The following ZC3H12B variants were observed in gnomAD, a reference collection of about 807,000 sequenced individuals.
ZC3H12B encodes the protein zinc finger CCCH-type containing 12B.
A neutral mutation model predicts 43.9 loss-of-function variants in ZC3H12B; 7 were observed. The observed-to-expected ratio is 0.16, with a 90% CI of 0.09 to 0.30. The LOEUF (loss-of-function observed/expected upper bound fraction) is 0.30. ZC3H12B is among the 10% of genes least tolerant of loss of function. The pLI, the probability that ZC3H12B is intolerant of heterozygous loss-of-function variation, is 1.00. For synonymous variants in ZC3H12B, 222 were observed against 241.7 expected, an observed-to-expected ratio of 0.92 and a Z score of 0.76; for missense variants, 475 against 670.2, an observed-to-expected ratio of 0.71 and a Z score of 3.22.
chrX:65,300,670 A>C, the ZC3H12B span, among the ~76,000 whole-genome samples: 3 of 111,037 alleles, frequency 2.7e-5, no homozygotes, highest in African/African-American at 9.8e-5. Context: ...AGATAATCCT[A>C]GGGCAAGCTT....
At chrX:65,170,069 T>C in the ZC3H12B span, among the ~76,000 whole-genome samples, 1 of 112,064 alleles carries the variant, frequency 8.9e-6, no homozygotes, top group African/African-American at 3.2e-5. Context: ...AATTTGATCC[T>C]GTCATTATGA....
chrX:65,382,601 A>G (rs905999421), intron 2 of ZC3H12B, among the ~76,000 whole-genome samples: 2 of 111,518 alleles, frequency 1.8e-5, no homozygotes, highest in Admixed American at 1.9e-4. Context: ...AGTTCTGGCT[A>G]GGGCAATCAG....
chrX:65,385,660 G>T (rs965581302), intron 2 of ZC3H12B, among the ~76,000 whole-genome samples: 5 of 111,003 alleles, frequency 4.5e-5, no homozygotes, highest in Admixed American at 9.6e-5. Context: ...TGATTGCTCT[G>T]GCCAGAAATT....
chrX:65,197,286 C>T, the ZC3H12B span, among the ~76,000 whole-genome samples: 1 of 112,109 alleles, frequency 8.9e-6, no homozygotes, highest in Non-Finnish European at 1.9e-5. Flanking sequence ...AAGCAGCCGC[C>T]GCCCAGGGAC....
chrX:65,305,006 A>T, the ZC3H12B span, among the ~76,000 whole-genome samples: 20 of 112,114 alleles, frequency 1.8e-4, 1 homozygote, highest in South Asian at 1.8e-3. Context: ...TTGAACAGGT[A>T]TTTTATCAAT....
At chrX:65,219,897 A>G in the ZC3H12B span, among the ~76,000 whole-genome samples, 6 of 110,063 alleles carry the variant, frequency 5.5e-5, no homozygotes, top group African/African-American at 2.0e-4. Flanking sequence ...ACATAGGCAC[A>G]TAGTCATCAG....
At chrX:65,047,721 A>G in the ZC3H12B span, among the ~76,000 whole-genome samples, 5 of 110,574 alleles carry the variant, frequency 4.5e-5, no homozygotes, top group Non-Finnish European at 9.5e-5. Context: ...AATGATATAT[A>G]TTTTTCCATC....
At chrX:65,427,197 T>C (rs953747024) in intron 3 of ZC3H12B, among the ~76,000 whole-genome samples, 7 of 111,981 alleles carry the variant, frequency 6.3e-5, no homozygotes, top group Non-Finnish European at 1.1e-4. Context: ...AATTGAACTC[T>C]TTACCATTAT....
chrX:65,386,390 C>T (rs2066526134), intron 2 of ZC3H12B, among the ~76,000 whole-genome samples: 1 of 111,223 alleles, frequency 9.0e-6, no homozygotes, highest in Non-Finnish European at 1.9e-5. Context: ...TGTATGTGTC[C>T]AGTAATTTAT....
At chrX:65,161,479 G>A in the ZC3H12B span, among the ~76,000 whole-genome samples, 6 of 111,865 alleles carry the variant, frequency 5.4e-5, no homozygotes, top group South Asian at 3.7e-4. Flanking sequence ...ATGATAGTTA[G>A]CTCTTCTTGT....
the ZC3H12B span, among the ~76,000 whole-genome samples, chrX:65,127,052 C>T: frequency 9.1e-6 from 1 of 110,456 alleles, no homozygotes; most frequent in African/African-American, 3.3e-5. Context: ...GTGGTATGAT[C>T]TTTTGGGGAT....
At chrX:65,373,773 G>A (rs1399164554) in intron 2 of ZC3H12B, among the ~76,000 whole-genome samples, 3 of 94,151 alleles carry the variant, frequency 3.2e-5, no homozygotes, top group Non-Finnish European at 4.1e-5. Flanking sequence ...GATAGCATTA[G>A]GAGATATACC....
At chrX:65,207,436 G>A in the ZC3H12B span, among the ~76,000 whole-genome samples, 3 of 110,664 alleles carry the variant, frequency 2.7e-5, no homozygotes, top group Admixed American at 9.7e-5. Flanking sequence ...TAAGCTATGA[G>A]GATGCAAAAG....
chrX:65,130,280 A>T, the ZC3H12B span, among the ~76,000 whole-genome samples: 1 of 111,116 alleles, frequency 9.0e-6, no homozygotes, highest in Non-Finnish European at 1.9e-5. Context: ...TGATTTGACT[A>T]TTAAAAGTGG....
the ZC3H12B span, among the ~76,000 whole-genome samples, chrX:65,055,481 G>T: frequency 9.0e-6 from 1 of 111,537 alleles, no homozygotes; most frequent in Non-Finnish European, 1.9e-5. Flanking sequence ...TGCTGGATTC[G>T]GTTTGCCAGT....
the ZC3H12B span, among the ~76,000 whole-genome samples, chrX:65,358,545 A>G: frequency 1.8e-5 from 2 of 111,994 alleles, no homozygotes; most frequent in Non-Finnish European, 3.8e-5. Context: ...AAAACCGCAC[A>G]ACTACATGGA....
the ZC3H12B span, among the ~76,000 whole-genome samples, chrX:65,204,869 T>C: frequency 2.7e-5 from 3 of 112,293 alleles, no homozygotes; most frequent in Non-Finnish European, 3.8e-5. Context: ...TAAGCTGTTA[T>C]CTGCTGCTCA....
chrX:65,189,051 G>T, the ZC3H12B span, among the ~76,000 whole-genome samples: 2 of 98,944 alleles, frequency 2.0e-5, no homozygotes, highest in Non-Finnish European at 4.0e-5. Flanking sequence ...GCGGTGTTTG[G>T]TTTTTTGTTC....
the ZC3H12B span, among the ~76,000 whole-genome samples, chrX:65,064,672 C>T: frequency 9.0e-6 from 1 of 111,544 alleles, no homozygotes; most frequent in African/African-American, 3.3e-5. Context: ...TTGGTCCAGA[C>T]CTCAGTTCAA....
Sources: gnomAD v4.1 joint callset for allele counts (sites outside exome capture counted in the v4.1 genomes callset) on GRCh38, gnomAD v4.1.1 for gene constraint, MANE v1.5 for transcripts, NCBI Gene and HGNC (gene_info 2026-07-23, HGNC 2026-07-21) for gene names.